The following CCDC7 variants were observed in gnomAD, a reference collection of about 807,000 sequenced individuals.
CCDC7 encodes the protein coiled-coil domain-containing protein 7.
In CCDC7, 183 loss-of-function variants were observed where a neutral mutation model predicts 196.9. The ratio of observed to expected loss-of-function variants is 0.93; its 90% CI spans 0.82 to 1.05. The LOEUF is 1.05. CCDC7 is among the 50% of genes least tolerant of loss of function. The probability of loss-of-function intolerance (pLI) is 0.00; values close to 1 mark genes in which losing one functional copy is unlikely to be tolerated. For missense variants in CCDC7, 1,540 were observed against 1,482.2 expected (o/e 1.04, Z -0.64); for synonymous variants, 525 against 484.6 (o/e 1.08, Z -1.10).
At position 32,674,348 on chromosome 10, in the gene CCDC7, G is replaced by T. The variant is rs575245949; in HGVS notation, c.2122+10187G>T. Among the ~76,000 whole-genome samples, 10 of 151,482 alleles carry T rather than the reference G, an allele frequency of 6.6e-5. No homozygotes were observed. The South Asian group carries it at 2.1e-3, about 32-fold the overall frequency. ...CTTTTGATTTCTTCCTTGATCCAGT[G>T]GTTGTTCAAAATTTGTTGTTTAATT... On this transcript the variant is annotated intron_variant, in intron 21 of 41. Transcript: ENST00000639629.
At chr10:32,521,493 TATTCAC>T (rs2135596546) in intron 11 of CCDC7, among the ~76,000 whole-genome samples, 1 of 152,286 alleles carries the variant, frequency 6.6e-6, no homozygotes, top group Non-Finnish European at 1.5e-5. Flanking sequence ...TTTTTCAGAT[TATTCAC>T]TGTTGGTATA....
At chr10:32,816,846 C>T (rs527471479) in intron 31 of CCDC7, among the ~76,000 whole-genome samples, 100 of 152,222 alleles carry the variant, frequency 6.6e-4, no homozygotes, top group African/African-American at 2.3e-3. Context: ...GCATCACCAT[C>T]ATCAAAGACC....
intron 28 of CCDC7, among the ~76,000 whole-genome samples, chr10:32,750,756 A>G (rs1592331851): frequency 6.6e-6 from 1 of 152,172 alleles, no homozygotes; most frequent in Admixed American, 6.5e-5. Context: ...GTAAAATAAG[A>G]GATGTCTTCT....
intron 20 of CCDC7, among the ~76,000 whole-genome samples, chr10:32,639,912 C>G (rs374527317): frequency 6.6e-6 from 1 of 152,036 alleles, no homozygotes. Context: ...CCACTGCACC[C>G]GACCAATTTC....
rs183017239 is a variant in CCDC7, at chr10:32,847,622, G to A, written c.3689-211G>A. 4.0e-5 allele frequency among the ~76,000 whole-genome samples: 6 copies of A among 151,032 alleles called. No homozygotes were observed. In the East Asian group the frequency reaches 7.8e-4, roughly 20 times the overall value. On this transcript the variant is annotated intron_variant, in intron 37 of 41. Coordinates refer to ENST00000639629, the Ensembl canonical transcript of CCDC7. ...CCCAGCTACTTGGAGAGGCCAAGGCGGGGGACCACTTGAGCCCAGGAGGTT... is the reference window on the plus strand; with the variant it reads ...CCCAGCTACTTGGAGAGGCCAAGGCAGGGGACCACTTGAGCCCAGGAGGTT...
At chr10:32,459,646 A>ATTT (rs60002951) in intron 3 of CCDC7, among the ~76,000 whole-genome samples, 3,682 of 68,536 alleles carry the variant, frequency 0.054, 668 homozygotes, top group Non-Finnish European at 0.065. Flanking sequence ...CCTGCTGCAC[A>ATTT]TTTTTTTTTT....
chr10:32,793,049 G>A, intron 29 of CCDC7, among the ~76,000 whole-genome samples: 1 of 152,180 alleles, frequency 6.6e-6, no homozygotes, highest in Non-Finnish European at 1.5e-5. Context: ...TAGATTGGCT[G>A]AGTAGATTTT....
In CCDC7 at chr10:32,824,622, T is replaced by A. The variant is rs759669879; in HGVS notation, c.3268+18T>A. The A allele has an allele frequency of 7.2e-6, 11 of 1,529,572 alleles. No individual in the cohort carries two copies. The African/African-American group carries it at 1.4e-4, about 19-fold the overall frequency. The allele number at this position is 1,529,572 out of a possible 1,614,324, so 94.8% of individuals were successfully genotyped here. A position where few individuals can be genotyped will look rare whatever the true frequency, so the allele number is the denominator to read the frequency against. On this transcript the variant is annotated intron_variant, in intron 32 of 41. Transcript: ENST00000639629. ...TTACCCTGGTAAGAATAAGAATTTT[T>A]AAAATCTACTTATGGTTTCCTATCT...
At chr10:32,538,436 T>C (rs2050866904) in intron 11 of CCDC7, among the ~76,000 whole-genome samples, 3 of 152,058 alleles carry the variant, frequency 2.0e-5, no homozygotes, top group Non-Finnish European at 4.4e-5. Flanking sequence ...CAAACAGGGG[T>C]AGTTTCACTT....
intron 9 of CCDC7, among the ~76,000 whole-genome samples, chr10:32,506,077 G>A (rs1458764397): frequency 3.4e-5 from 5 of 149,126 alleles, no homozygotes; most frequent in South Asian, 2.2e-4. Flanking sequence ...GGTGGCGGCC[G>A]GGCAGAGGTG....
intron 8 of CCDC7, among the ~76,000 whole-genome samples, chr10:32,479,223 T>G (rs527704724): frequency 6.6e-6 from 1 of 152,264 alleles, no homozygotes; most frequent in South Asian, 2.1e-4. Context: ...CTTTTCTTGC[T>G]TAATTGCTCT....
intron 29 of CCDC7, among the ~76,000 whole-genome samples, chr10:32,783,651 G>A (rs2081378918): frequency 6.6e-6 from 1 of 152,218 alleles, no homozygotes. Flanking sequence ...ACTTCAAGGT[G>A]TAGGTGTAGA....
chr10:32,779,075 A>G (rs1180162748), exon 29 of CCDC7: 1 of 1,545,784 alleles, frequency 6.5e-7, no homozygotes, highest in African/African-American at 1.4e-5. Context: ...TGATTTAAAC[A>G]AAGTGGTCGG....
chr10:32,511,654 A>T, intron 9 of CCDC7: 1 of 1,572,052 alleles, frequency 6.4e-7, no homozygotes, highest in Non-Finnish European at 8.7e-7. Context: ...TCAGCATCTC[A>T]TCCACAGCAC....
chr10:32,650,704 G>C (rs570141314), intron 20 of CCDC7, among the ~76,000 whole-genome samples: 6 of 152,230 alleles, frequency 3.9e-5, no homozygotes, highest in Admixed American at 1.3e-4. Flanking sequence ...ACAAATCTCA[G>C]CTCAACCCTC....
At chr10:32,632,532 A>G (rs1024251389) in intron 18 of CCDC7, among the ~76,000 whole-genome samples, 1 of 151,822 alleles carries the variant, frequency 6.6e-6, no homozygotes, top group Admixed American at 6.6e-5. Context: ...ATAAGGTAGA[A>G]GTTTTGTTGA....
intron 39 of CCDC7, 25 bp from the exon 41 acceptor site, chr10:32,851,781 CT>C: frequency 6.3e-7 from 1 of 1,599,064 alleles, no homozygotes; most frequent in Non-Finnish European, 8.5e-7. Context: ...TATTGTATGG[CT>C]AACATATTTT....
intron 21 of CCDC7, among the ~76,000 whole-genome samples, chr10:32,683,940 A>G (rs914316155): frequency 2.0e-5 from 3 of 152,270 alleles, no homozygotes; most frequent in African/African-American, 7.2e-5. Flanking sequence ...GGCACGAGAT[A>G]GCTTTTGAGC....
At chr10:32,717,061 C>G (rs1041543849) in intron 25 of CCDC7, among the ~76,000 whole-genome samples, 1 of 152,128 alleles carries the variant, frequency 6.6e-6, no homozygotes, top group Non-Finnish European at 1.5e-5. Flanking sequence ...CTCTCCACCC[C>G]AAATCAACAG....
Sources: gnomAD v4.1 joint callset for allele counts (sites outside exome capture counted in the v4.1 genomes callset) on GRCh38, gnomAD v4.1.1 for gene constraint, MANE v1.5 for transcripts, NCBI Gene and HGNC (gene_info 2026-07-23, HGNC 2026-07-21) for gene names.